ERC1: variants seen among roughly 807,000 people sequenced by gnomAD.
The protein encoded by ERC1 is RAB6 interacting protein 2.
A neutral mutation model predicts 132.0 loss-of-function variants in ERC1; 56 were observed. The observed-to-expected ratio is 0.42, with a 90% CI of 0.34 to 0.53. The LOEUF (loss-of-function observed/expected upper bound fraction) is 0.53. Among genes scored for constraint, ERC1 ranks in the 20% least tolerant of loss-of-function variants. The pLI, the probability that ERC1 is intolerant of heterozygous loss-of-function variation, is 0.03. For synonymous variants in ERC1, 478 were observed against 476.1 expected, an observed-to-expected ratio of 1.00 and a Z score of -0.05; for missense variants, 1,202 against 1,349.9, an observed-to-expected ratio of 0.89 and a Z score of 1.72.
At chr12:1,182,908 C>T (rs190867194) in intron 10 of ERC1, among the ~76,000 whole-genome samples, 2 of 152,272 alleles carry the variant, frequency 1.3e-5, no homozygotes, top group East Asian at 3.9e-4. Flanking sequence ...CTCAAGTGAT[C>T]CCCCTGTCTC....
intron 12 of ERC1, among the ~76,000 whole-genome samples, chr12:1,197,926 G>GT (rs1293557287): frequency 6.6e-6 from 1 of 150,686 alleles, no homozygotes; most frequent in Non-Finnish European, 1.5e-5. Context: ...GTTTTGTTTT[G>GT]TTTTTGTTGC....
intron 16 of ERC1, among the ~76,000 whole-genome samples, chr12:1,394,529 T>C (rs895544883): frequency 6.6e-6 from 1 of 152,214 alleles, no homozygotes; most frequent in Non-Finnish European, 1.5e-5. Flanking sequence ...TGTTGATTGT[T>C]ATTCACAGTG....
chr12:1,092,916 G>T (rs1943435425), intron 3 of ERC1, among the ~76,000 whole-genome samples: 1 of 152,176 alleles, frequency 6.6e-6, no homozygotes, highest in Non-Finnish European at 1.5e-5. Context: ...AGCCAGGATT[G>T]CACCACTGCA....
At chr12:1,189,556 C>CT (rs1955497817) in intron 11 of ERC1, among the ~76,000 whole-genome samples, 1 of 152,204 alleles carries the variant, frequency 6.6e-6, no homozygotes, top group African/African-American at 2.4e-5. Flanking sequence ...AGTTCAATGA[C>CT]TGTTAGTTTG....
chr12:1,480,933 T>TA, intron 18 of ERC1: 1 of 702,448 alleles, frequency 1.4e-6, no homozygotes, highest in Admixed American at 2.0e-5. Context: ...ACGTCCCCCT[T>TA]ACTCTGGGCA....
At chr12:1,239,077 A>T (rs2075620975) in intron 13 of ERC1, among the ~76,000 whole-genome samples, 1 of 152,136 alleles carries the variant, frequency 6.6e-6, no homozygotes, top group South Asian at 2.1e-4. Context: ...TTTACTAACT[A>T]CTCAGTTACT....
At chr12:1,398,658 A>T (rs1196460012) in intron 16 of ERC1, among the ~76,000 whole-genome samples, 12 of 152,242 alleles carry the variant, frequency 7.9e-5, no homozygotes, top group Non-Finnish European at 2.9e-5. Flanking sequence ...GTATGCTGCT[A>T]TAACAAAGTC....
Position 1,444,454 on chromosome 12 carries a change from G to T in ERC1, c.3025-108G>T, listed in dbSNP as rs189514762. The T allele has an allele frequency of 9.2e-4, 680 of 737,050 alleles. 1 individual carries two copies. The highest frequency in any genetic ancestry group is 1.3e-3 in the Non-Finnish European group (629 of 469,214). 45.7% of individuals were successfully genotyped at this position (737,050 alleles called of 1,614,324 possible). ...GTGATTAGAAGAGCTTTAGTCTTTG[G>T]TCAATTTTCTTTGACTTGGAAAGCA... On this transcript the variant is annotated intron_variant, in intron 17 of 18. Coordinates refer to ENST00000360905, the MANE Select transcript of ERC1 (RefSeq NM_178040.4).
intron 16 of ERC1, among the ~76,000 whole-genome samples, chr12:1,384,534 A>T (rs991476963): frequency 6.6e-6 from 1 of 152,222 alleles, no homozygotes; most frequent in South Asian, 2.1e-4. Context: ...TTTAGCCACC[A>T]GCATTTTTTT....
chr12:1,083,140 G>T (rs1454833739), intron 2 of ERC1, 24 bp from the exon 3 acceptor site: 3 of 1,578,222 alleles, frequency 1.9e-6, no homozygotes, highest in African/African-American at 1.4e-5. Context: ...TGATTTGGGG[G>T]TTTTCTTTTT....
chr12:1,248,054 C>T (rs767923204), intron 13 of ERC1, among the ~76,000 whole-genome samples: 19 of 152,136 alleles, frequency 1.2e-4, no homozygotes, highest in Non-Finnish European at 2.5e-4. Flanking sequence ...AAAGATTAGA[C>T]TCAAATCCTC....
At position 1,238,964 on chromosome 12, in the gene ERC1, G is replaced by A. The variant is rs533278850; in HGVS notation, c.2487+2060G>A. On this transcript the variant is annotated intron_variant, in intron 13 of 18. Coordinates refer to ENST00000360905, the MANE Select transcript of ERC1 (RefSeq NM_178040.4). ...AGATACCAAAGTTATGAAAAAGATAGCTGATGGCCATGTGCAAATTACACA... is the reference window on the plus strand; with the variant it reads ...AGATACCAAAGTTATGAAAAAGATAACTGATGGCCATGTGCAAATTACACA... 1.6e-3 allele frequency among the ~76,000 whole-genome samples: 249 copies of A among 152,276 alleles called. 1 individual carries two copies. Among genetic ancestry groups the A allele is most frequent in the Middle Eastern group, 6.8e-3 (2 of 294 alleles).
intron 7 of ERC1, among the ~76,000 whole-genome samples, chr12:1,126,986 C>CAAAAAA (rs71055135): frequency 5.1e-4 from 58 of 114,182 alleles, no homozygotes; most frequent in East Asian, 3.9e-3. Flanking sequence ...GATTCTGTCT[C>CAAAAAA]AAAAAAAAAA....
At chr12:1,121,365 G>A (rs1236792359) in intron 7 of ERC1, among the ~76,000 whole-genome samples, 2 of 152,200 alleles carry the variant, frequency 1.3e-5, no homozygotes, top group East Asian at 3.9e-4. Context: ...GATGTGCATA[G>A]ACGACCATGA....
chr12:1,377,808 T>C (rs904263903), intron 16 of ERC1, among the ~76,000 whole-genome samples: 1 of 152,186 alleles, frequency 6.6e-6, no homozygotes, highest in African/African-American at 2.4e-5. Context: ...ACTTGGAACT[T>C]TCCAAATAAA....
intron 15 of ERC1, among the ~76,000 whole-genome samples, chr12:1,364,103 T>G (rs2086430275): frequency 6.6e-6 from 1 of 152,256 alleles, no homozygotes; most frequent in African/African-American, 2.4e-5. Context: ...ATAGTTATTT[T>G]GTGTTGCATA....
chr12:1,405,152 T>TAAATAAAA (rs1336142874), intron 16 of ERC1, among the ~76,000 whole-genome samples: 1 of 132,574 alleles, frequency 7.5e-6, no homozygotes, highest in Non-Finnish European at 1.6e-5. Context: ...AAAATATAAA[T>TAAATAAAA]AAATAAATAA....
intron 17 of ERC1, among the ~76,000 whole-genome samples, chr12:1,420,924 G>A (rs1471667925): frequency 1.4e-5 from 2 of 147,960 alleles, no homozygotes; most frequent in Admixed American, 6.7e-5. Flanking sequence ...TGGTTTGGGG[G>A]GGGGGGGGGT....
At chr12:1,150,284 C>G (rs182213278) in intron 8 of ERC1, among the ~76,000 whole-genome samples, 1 of 152,226 alleles carries the variant, frequency 6.6e-6, no homozygotes, top group African/African-American at 2.4e-5. Context: ...CCCCTACCCT[C>G]TCTCCCGCAG....
Sources: gnomAD v4.1 joint callset for allele counts (sites outside exome capture counted in the v4.1 genomes callset) on GRCh38, gnomAD v4.1.1 for gene constraint, MANE v1.5 for transcripts, NCBI Gene and HGNC (gene_info 2026-07-23, HGNC 2026-07-21) for gene names.